Variants in PSG3 observed in about 807,000 individuals in gnomAD.
PSG3 encodes pregnancy-specific beta-1-glycoprotein 3.
PSG3 carries 61 observed loss-of-function variants against 47.5 expected under a neutral mutation model. The observed-to-expected ratio is 1.28, with a 90% CI of 1.05 to 1.59. PSG3 has a LOEUF of 1.59. PSG3 is among the 40% of genes most tolerant of loss of function. The pLI is 0.00. For synonymous variants in PSG3, 263 were observed against 198.4 expected (o/e 1.33, Z -2.74); for missense variants, 756 against 524.0 (o/e 1.44, Z -4.32).
rs554766029 is a variant in PSG3 at position 42,732,478 on chromosome 19, T to C, written c.709+306A>G. On this transcript the variant is annotated intron_variant, in intron 3 of 6. Transcript: ENST00000327495. ...GCCACAGTGACCCTGTGAGCCAAGT[T>C]GCAACACTGAAGTCCCAGCCAAATC... is the stretch of plus-strand genomic sequence containing the variant. 3.6e-3 allele frequency: 2,145 copies of C among 588,830 alleles called. 37 individuals are homozygous for C. Among genetic ancestry groups the C allele is most frequent in the African/African-American group, 0.036 (1,930 of 53,700 alleles). The allele number at this position is 588,830 out of a possible 1,614,324, so 36.5% of individuals were successfully genotyped here.
chr19:42,739,151 G>T, intron 1 of PSG3, 62 bp from the exon 2 acceptor site: 4 of 1,535,736 alleles, frequency 2.6e-6, no homozygotes, highest in Non-Finnish European at 3.5e-6. Flanking sequence ...AAAAGATGTG[G>T]CCCTGGGTCC....
chr19:42,740,386 G>T lies in PSG3; in HGVS notation c.-2C>A. On this transcript the variant is annotated 5_prime_UTR_variant, in exon 1 of 7. Transcript: ENST00000327495. ...GGGAGGGGCTGAGAGGGGCCCCATG[G>T]TCTCTGCTGCCTGCGTGTTCTCCTC... 1 of 1,614,034 alleles carries T rather than the reference G, an allele frequency of 6.2e-7. No homozygotes were observed. The highest frequency in any genetic ancestry group is 1.7e-5 in the Admixed American group (1 of 60,022).
In PSG3 at chr19:42,726,839, A is replaced by C. The variant is rs577544673; in HGVS notation, c.1243+2284T>G. Among the ~76,000 whole-genome samples the C allele has an allele frequency of 3.3e-4, 51 of 152,364 alleles. 1 individual carries two copies. The highest frequency in any genetic ancestry group is 8.9e-4 in the African/African-American group (37 of 41,592). ...TCTAAATAGACACACAGCTTTGAAG[A>C]GGAAGAATGAAGCTGGAGGACTCAC... On this transcript the variant is annotated intron_variant, in intron 5 of 6. Coordinates refer to ENST00000327495, the MANE Select transcript of PSG3 (RefSeq NM_021016.4).
chr19:42,740,290 C>G (rs370696346), intron 1 of PSG3, 31 bp downstream of exon 1: 27 of 1,613,722 alleles, frequency 1.7e-5, no homozygotes, highest in Middle Eastern at 1.6e-4. Flanking sequence ...GCTTCCTCCT[C>G]CTGTCCTCTC....
In PSG3 at chr19:42,732,953, C is replaced by G. The variant is rs370465597; in HGVS notation, c.540G>C (p.Trp180Cys). 1.1e-5 allele frequency: 18 copies of G among 1,614,146 alleles called. No individual in the cohort carries two copies. The East Asian group carries it at 3.1e-4, about 28-fold the overall frequency. The part of the protein sequence containing the change: ...DPETPDASYL[W>C]WMNGQSLPMT... ...TAGGGAGGCTCTGACCATTCATCCA[C>G]CACAGGTAGCTTGCGTCCGGAGTCT... The change falls in exon 3 of 7, where the codon TGG (tryptophan) becomes TGC (cysteine). Residue 180 changes from tryptophan to cysteine, a missense_variant. Physicochemically the swap from Trp to Cys is radical, Grantham distance 215. Transcript: ENST00000327495.
chr19:42,727,851 C>G (rs1010152276), intron 5 of PSG3, among the ~76,000 whole-genome samples: 10 of 152,018 alleles, frequency 6.6e-5, no homozygotes, highest in African/African-American at 1.9e-4. Flanking sequence ...TCACACTAGC[C>G]AAAAAATGGA....
Position 42,738,801 on chromosome 19 carries a change from C to G in PSG3, c.353G>C (p.Gly118Ala), listed in dbSNP as rs1278873795. The G allele has an allele frequency of 6.2e-7, 1 of 1,614,116 alleles. No individual in the cohort carries two copies. The highest frequency in any genetic ancestry group is 8.5e-7 in the Non-Finnish European group (1 of 1,180,004). ...CTTTACGATGTGTAAGGTGTAGGAT[C>G]CTGCGTCCTCCCGGGTGACATTCTG... ...LIQNVTREDA[G>A]SYTLHIVKRG... The change falls in exon 2 of 7, where the codon GGA (glycine) becomes GCA (alanine). Residue 118 changes from glycine to alanine, a missense_variant. Transcript: ENST00000327495.
intron 3 of PSG3, among the ~76,000 whole-genome samples, chr19:42,730,501 A>G (rs1969456006): frequency 6.6e-6 from 1 of 152,220 alleles, no homozygotes; most frequent in Admixed American, 6.5e-5. Flanking sequence ...GAGATGAGTA[A>G]TAATGGGACT....
chr19:42,738,548 G>A (rs1371446951), intron 2 of PSG3, among the ~76,000 whole-genome samples, 176 bp downstream of exon 2: 1 of 152,182 alleles, frequency 6.6e-6, no homozygotes, highest in Admixed American at 6.5e-5. Context: ...TGCGGGAAAG[G>A]AATTCTGATC....
intron 5 of PSG3, 66 bp downstream of exon 5, chr19:42,729,057 T>G: frequency 6.2e-7 from 1 of 1,611,988 alleles, no homozygotes; most frequent in Non-Finnish European, 8.5e-7. Flanking sequence ...TTTTCCTGAC[T>G]CTTCTCTGAA....
chr19:42,728,083 A>G (rs1343362585), intron 5 of PSG3, among the ~76,000 whole-genome samples: 1 of 152,182 alleles, frequency 6.6e-6, no homozygotes, highest in Non-Finnish European at 1.5e-5. Context: ...TTACATAGAG[A>G]CAGAAAGTAG....
chr19:42,726,769 C>T (rs1030563627), intron 5 of PSG3, among the ~76,000 whole-genome samples: 2 of 151,978 alleles, frequency 1.3e-5, no homozygotes, highest in Non-Finnish European at 2.9e-5. Context: ...GACATTTTTG[C>T]AGTAAAAAAA....
At chr19:42,732,402 T>C in intron 3 of PSG3, 1 of 360,062 alleles carries the variant, frequency 2.8e-6, no homozygotes, top group East Asian at 5.6e-5. Flanking sequence ...AAGAGAATAA[T>C]GTCATAGGTG....
chr19:42,733,499 A>C (rs1350665485), intron 2 of PSG3: 1 of 194,214 alleles, frequency 5.1e-6, no homozygotes, highest in Admixed American at 5.3e-5. Context: ...CATCCTAGAG[A>C]TGGGTGATGG....
intron 5 of PSG3, among the ~76,000 whole-genome samples, chr19:42,726,895 C>G (rs1294364863): frequency 6.6e-6 from 1 of 152,120 alleles, no homozygotes; most frequent in African/African-American, 2.4e-5. Context: ...ACTACAAAGC[C>G]CCAGTAATCA....
Position 42,733,036 on chromosome 19 carries a change from T to C in PSG3, c.457A>G (p.Ser153Gly), listed in dbSNP as rs1969502508. Residue 153 changes from serine to glycine, a missense_variant, in exon 3 of 7, where the codon AGC (serine) becomes GGC (glycine). Transcript: ENST00000327495. Reference sequence around the variant, plus strand: ...TCCTCCCTGGGGTATAAGTTGCTGCTGGAGATGGAGGGCTTGGGAGTCTCC... The same window carrying C: ...TCCTCCCTGGGGTATAAGTTGCTGCCGGAGATGGAGGGCTTGGGAGTCTCC... ...YLETPKPSIS[S>G]SNLYPREDME... The C allele has an allele frequency of 6.2e-7, 1 of 1,614,010 alleles. No homozygotes were observed. The highest frequency in any genetic ancestry group is 8.5e-7 in the Non-Finnish European group (1 of 1,180,016).
chr19:42,722,927 T>C (rs2122155582), intron 6 of PSG3, among the ~76,000 whole-genome samples: 1 of 152,352 alleles, frequency 6.6e-6, no homozygotes, highest in South Asian at 2.1e-4. Context: ...ACCTTTAAAC[T>C]GGAACTAATG....
At position 42,736,453 on chromosome 19, in the gene PSG3, C is replaced by A. The variant is rs1206263815; in HGVS notation, c.430+2271G>T. On this transcript the variant is annotated intron_variant, in intron 2 of 6. Coordinates refer to ENST00000327495, the MANE Select transcript of PSG3 (RefSeq NM_021016.4). Reference sequence around the variant, plus strand: ...GATTCCATCACCAATCAGCAGTACTCATTTTTTAGTCCTGTGCCCCTGAAA... The same window carrying A: ...GATTCCATCACCAATCAGCAGTACTAATTTTTTAGTCCTGTGCCCCTGAAA... Among the ~76,000 whole-genome samples, 9 of 152,158 alleles carry A rather than the reference C, an allele frequency of 5.9e-5. No homozygotes were observed. In the East Asian group the frequency reaches 1.7e-3, roughly 29 times the overall value.
rs143816220 is a variant in PSG3, at chr19:42,740,379, C to T, written c.6G>A (p.Gly2=). 0.013 allele frequency: 21,164 copies of T among 1,613,678 alleles called. 190 individuals are homozygous for T. Among genetic ancestry groups the T allele is most frequent in the South Asian group, 0.016 (1,439 of 91,052 alleles). Residue 2 remains glycine, a synonymous_variant, in exon 1 of 7, where the codon GGG becomes GGA. Transcript: ENST00000327495. M[G]PLSAPPCTQR... ...GTGTGCAGGGAGGGGCTGAGAGGGG[C>T]CCCATGGTCTCTGCTGCCTGCGTGT...
Sources: allele counts gnomAD v4.1 joint callset (sites outside exome capture counted in the v4.1 genomes callset), GRCh38; gene constraint gnomAD v4.1.1; transcripts MANE v1.5; gene names NCBI Gene and HGNC (gene_info 2026-07-23, HGNC 2026-07-21).